MYO3B: variants seen among roughly 807,000 people sequenced by gnomAD.
MYO3B encodes myosin IIIB, also known as myosin-IIIb.
A neutral mutation model predicts 174.6 loss-of-function variants in MYO3B; 156 were observed. That is an observed-to-expected ratio of 0.89 (90% CI 0.78 to 1.02). MYO3B has a LOEUF of 1.02. MYO3B is among the 50% of genes least tolerant of loss of function. The probability of loss-of-function intolerance (pLI) is 0.00; values close to 1 mark genes in which losing one functional copy is unlikely to be tolerated. For synonymous variants in MYO3B, 563 were observed against 569.1 expected (o/e 0.99, Z 0.15); for missense variants, 1,632 against 1,639.4 (o/e 1.00, Z 0.08).
intron 9 of MYO3B, among the ~76,000 whole-genome samples, chr2:170,370,653 A>G (rs1279672248): frequency 6.6e-6 from 1 of 150,792 alleles, no homozygotes; most frequent in Admixed American, 6.6e-5. Flanking sequence ...ACACACACAC[A>G]CACACACACA....
rs575653340 is a variant in MYO3B at position 170,410,293 on chromosome 2, C to T, written c.2650+2449C>T. Among the ~76,000 whole-genome samples the T allele has an allele frequency of 6.6e-5, 10 of 152,138 alleles. No individual in the cohort carries two copies. The South Asian group carries it at 1.2e-3, about 19-fold the overall frequency. On this transcript the variant is annotated intron_variant, in intron 22 of 34. Coordinates refer to ENST00000408978, the MANE Select transcript of MYO3B (RefSeq NM_138995.5). ...AAAAGATCAAAGTTGAGGCCAGGCG[C>T]GGTGGCTCACGCCTGTAATCCCAGC...
chr2:170,428,000 A>G (rs1259892690), intron 22 of MYO3B, among the ~76,000 whole-genome samples: 1 of 152,236 alleles, frequency 6.6e-6, no homozygotes, highest in African/African-American at 2.4e-5. Context: ...TTGAAAAATG[A>G]ACACCTTGAA....
intron 8 of MYO3B, among the ~76,000 whole-genome samples, chr2:170,347,331 G>A (rs913001932): frequency 1.3e-5 from 2 of 152,326 alleles, no homozygotes; most frequent in Admixed American, 6.5e-5. Context: ...GGGGCCAGGT[G>A]TGGATCACAT....
intron 5 of MYO3B, among the ~76,000 whole-genome samples, chr2:170,216,988 T>C (rs1339016464): frequency 6.6e-6 from 1 of 152,136 alleles, no homozygotes; most frequent in Non-Finnish European, 1.5e-5. Flanking sequence ...TACCTCCTAT[T>C]TTCATATGGC....
intron 6 of MYO3B, among the ~76,000 whole-genome samples, chr2:170,234,799 G>T (rs1343616322): frequency 6.6e-6 from 1 of 152,138 alleles, no homozygotes; most frequent in Non-Finnish European, 1.5e-5. Flanking sequence ...TCTAAGCCCT[G>T]TTCAACAAAT....
intron 7 of MYO3B, among the ~76,000 whole-genome samples, chr2:170,239,914 C>T (rs2093111964): frequency 6.6e-6 from 1 of 151,808 alleles, no homozygotes; most frequent in Non-Finnish European, 1.5e-5. Flanking sequence ...AGCAGGGCCA[C>T]ACTCCCTTTG....
intron 6 of MYO3B, among the ~76,000 whole-genome samples, chr2:170,220,189 C>T (rs2092879614): frequency 6.6e-6 from 1 of 151,940 alleles, no homozygotes; most frequent in Non-Finnish European, 1.5e-5. Context: ...ACCCGGAAGG[C>T]GGAGCTTGCA....
rs1294582696 is a variant in MYO3B, at chr2:170,483,969, G to A, written c.3015-14623G>A. ...AGCAGTTGTCCTCTTAGCCGTGACT[G>A]GTACAGCATGCTCTAGTTACTTACA... On this transcript the variant is annotated intron_variant, in intron 25 of 34. Transcript: ENST00000408978. 2.0e-5 allele frequency among the ~76,000 whole-genome samples: 3 copies of A among 152,242 alleles called. No homozygotes were observed. The East Asian group carries it at 5.8e-4, about 29-fold the overall frequency.
At chr2:170,221,828 A>T (rs1307484588) in intron 6 of MYO3B, among the ~76,000 whole-genome samples, 1 of 152,146 alleles carries the variant, frequency 6.6e-6, no homozygotes, top group Non-Finnish European at 1.5e-5. Context: ...CAGCCTCCCG[A>T]GTAGCTGGGA....
intron 32 of MYO3B, among the ~76,000 whole-genome samples, chr2:170,597,005 TGTA>T (rs1406582771): frequency 6.6e-6 from 1 of 152,106 alleles, no homozygotes; most frequent in Non-Finnish European, 1.5e-5. Context: ...GTTTCAGGGA[TGTA>T]GTGCCAGAAT....
chr2:170,419,720 G>A (rs1373691156), intron 22 of MYO3B, among the ~76,000 whole-genome samples: 1 of 152,090 alleles, frequency 6.6e-6, no homozygotes, highest in Non-Finnish European at 1.5e-5. Context: ...CAGAGAAGGA[G>A]AGCTCTGCCC....
intron 32 of MYO3B, among the ~76,000 whole-genome samples, chr2:170,603,186 G>T (rs1443460563): frequency 6.6e-6 from 1 of 152,116 alleles, no homozygotes; most frequent in African/African-American, 2.4e-5. Context: ...AAGGCCTGTG[G>T]GCACTTTAAG....
chr2:170,485,042 T>C (rs1301000453), intron 25 of MYO3B, among the ~76,000 whole-genome samples: 1 of 152,108 alleles, frequency 6.6e-6, no homozygotes, highest in East Asian at 1.9e-4. Context: ...TGATATACAT[T>C]GAGGGTCCTT....
chr2:170,393,219 G>A (rs1004051501), intron 16 of MYO3B, among the ~76,000 whole-genome samples: 1 of 151,686 alleles, frequency 6.6e-6, no homozygotes, highest in Non-Finnish European at 1.5e-5. Context: ...GAGTAGCTGG[G>A]GTTACAGGTG....
intron 26 of MYO3B, 137 bp downstream of exon 26, chr2:170,498,840 A>G: frequency 3.2e-6 from 2 of 615,964 alleles, no homozygotes; most frequent in Middle Eastern, 2.6e-4. Context: ...CTTTGCTGGT[A>G]TTAAGTCAAG....
chr2:170,419,993 G>T (rs554311350), intron 22 of MYO3B, among the ~76,000 whole-genome samples: 5 of 152,252 alleles, frequency 3.3e-5, no homozygotes, highest in South Asian at 2.1e-4. Flanking sequence ...GACCATCCTG[G>T]CCAACATGGT....
At chr2:170,492,295 A>G (rs1305957567) in intron 25 of MYO3B, among the ~76,000 whole-genome samples, 1 of 152,174 alleles carries the variant, frequency 6.6e-6, no homozygotes, top group East Asian at 1.9e-4. Context: ...TCGTATGAAT[A>G]TGCCAGTTAG....
At chr2:170,546,327 C>G (rs533863022) in intron 32 of MYO3B, among the ~76,000 whole-genome samples, 1 of 152,128 alleles carries the variant, frequency 6.6e-6, no homozygotes, top group South Asian at 2.1e-4. Context: ...GCCTAGGTCT[C>G]GAATTGAATT....
chr2:170,404,436 G>C lies in MYO3B; in HGVS notation c.2431+36G>C, dbSNP rs1036084321. The stretch of plus-strand genomic sequence containing the variant: ...TCTGAGAAACAGGCATATACATTTA[G>C]AACAAAACTTGGCTTGTGTCATCAA... On this transcript the variant is annotated intron_variant, in intron 20 of 34. Coordinates refer to ENST00000408978, the MANE Select transcript of MYO3B (RefSeq NM_138995.5). 5 of 1,563,126 alleles carry C rather than the reference G, an allele frequency of 3.2e-6. No individual in the cohort carries two copies. The African/African-American group carries it at 6.9e-5, about 21-fold the overall frequency.
Sources: gnomAD v4.1 joint callset for allele counts (sites outside exome capture counted in the v4.1 genomes callset) on GRCh38, gnomAD v4.1.1 for gene constraint, MANE v1.5 for transcripts, NCBI Gene and HGNC (gene_info 2026-07-23, HGNC 2026-07-21) for gene names.